Variants in PEMT observed in about 807,000 individuals in gnomAD.
The protein encoded by PEMT is phospholipid methyltransferase.
In PEMT, 23 loss-of-function variants were observed where a neutral mutation model predicts 27.4. That is an observed-to-expected ratio of 0.84 (90% CI 0.60 to 1.19). The LOEUF (loss-of-function observed/expected upper bound fraction) is 1.19. PEMT is among the 50% of genes most tolerant of loss of function. The pLI is 0.00. For missense variants in PEMT, 307 were observed against 310.1 expected, an observed-to-expected ratio of 0.99 and a Z score of 0.07; for synonymous variants, 137 against 139.1, an observed-to-expected ratio of 0.98 and a Z score of 0.11.
intron 2 of PEMT, among the ~76,000 whole-genome samples, chr17:17,527,191 C>T (rs1479358496): frequency 1.3e-5 from 2 of 152,202 alleles, no homozygotes; most frequent in African/African-American, 4.8e-5. Flanking sequence ...GCATGCGCCA[C>T]CATGCCCGGC....
intron 2 of PEMT, chr17:17,570,924 T>A: frequency 1.0e-6 from 1 of 984,706 alleles, no homozygotes; most frequent in Non-Finnish European, 1.2e-6. Flanking sequence ...GCATCTGGAG[T>A]GATAGGGAAA....
At chr17:17,538,236 C>T (rs1309968483) in intron 2 of PEMT, among the ~76,000 whole-genome samples, 2 of 152,222 alleles carry the variant, frequency 1.3e-5, no homozygotes, top group East Asian at 3.8e-4. Context: ...ACACGCTGAG[C>T]GGCTTCTCCA....
At chr17:17,553,184 G>A (rs1283775047) in intron 2 of PEMT, among the ~76,000 whole-genome samples, 2 of 152,154 alleles carry the variant, frequency 1.3e-5, no homozygotes, top group Non-Finnish European at 2.9e-5. Context: ...CCTCTATTCA[G>A]GCCCCAAAGT....
chr17:17,576,794 CG>C (rs2142743221), intron 2 of PEMT, 125 bp downstream of exon 2: 1 of 745,624 alleles, frequency 1.3e-6, no homozygotes, highest in East Asian at 2.6e-5. Flanking sequence ...GCGACAGACA[CG>C]GGAGGGAAGA....
At chr17:17,546,852 G>C (rs536170024) in intron 2 of PEMT, among the ~76,000 whole-genome samples, 1 of 152,262 alleles carries the variant, frequency 6.6e-6, no homozygotes, top group Admixed American at 6.5e-5. Context: ...CACAGCTGCA[G>C]TCAAAGCAAA....
chr17:17,569,831 C>G (rs1228704629), intron 2 of PEMT, among the ~76,000 whole-genome samples: 1 of 152,206 alleles, frequency 6.6e-6, no homozygotes, highest in Non-Finnish European at 1.5e-5. Flanking sequence ...CATGCTGGCT[C>G]CCTCGGGACA....
intron 2 of PEMT, among the ~76,000 whole-genome samples, chr17:17,568,653 C>A (rs1910990228): frequency 6.6e-6 from 1 of 152,208 alleles, no homozygotes; most frequent in Non-Finnish European, 1.5e-5. Context: ...TTCCCGGCAC[C>A]TGGAGGGATC....
intron 2 of PEMT, among the ~76,000 whole-genome samples, chr17:17,539,494 G>A (rs1403974838): frequency 6.6e-6 from 1 of 152,204 alleles, no homozygotes; most frequent in Non-Finnish European, 1.5e-5. Flanking sequence ...TCTGCGATGC[G>A]CCCAGGGTGT....
chr17:17,507,535 C>CTGCCTTT, intron 5 of PEMT: 1 of 321,860 alleles, frequency 3.1e-6, no homozygotes, highest in Non-Finnish European at 5.8e-6. Flanking sequence ...CAGGCTCCAA[C>CTGCCTTT]CCCAGGCCTG....
At chr17:17,591,415 T>C in intron 1 of PEMT, 116 bp downstream of exon 1, 7 of 499,422 alleles carry the variant, frequency 1.4e-5, no homozygotes, top group Non-Finnish European at 2.4e-5. Context: ...CACGCCCCCA[T>C]TGCCTGGGAA....
intron 2 of PEMT, among the ~76,000 whole-genome samples, chr17:17,573,956 A>AT (rs1178613445): frequency 6.6e-6 from 1 of 151,594 alleles, no homozygotes; most frequent in Non-Finnish European, 1.5e-5. Context: ...TAATTTTTGT[A>AT]TTTTTTGTAG....
chr17:17,566,093 C>T (rs1910808214), intron 2 of PEMT, among the ~76,000 whole-genome samples: 2 of 152,240 alleles, frequency 1.3e-5, no homozygotes, highest in African/African-American at 4.8e-5. Context: ...AGTGAAATGA[C>T]ACAAAAACTC....
intron 2 of PEMT, among the ~76,000 whole-genome samples, chr17:17,574,914 G>C (rs1911476601): frequency 6.6e-6 from 1 of 152,228 alleles, no homozygotes; most frequent in South Asian, 2.1e-4. Flanking sequence ...GAGAAGGACT[G>C]TGGACAGCCA....
intron 2 of PEMT, among the ~76,000 whole-genome samples, chr17:17,530,217 C>T (rs1341519255): frequency 3.9e-5 from 6 of 152,208 alleles, no homozygotes; most frequent in African/African-American, 1.4e-4. Flanking sequence ...AAGAACAGGG[C>T]AGGCACAGTG....
At chr17:17,552,657 C>T (rs1909744051) in intron 2 of PEMT, among the ~76,000 whole-genome samples, 1 of 152,254 alleles carries the variant, frequency 6.6e-6, no homozygotes, top group South Asian at 2.1e-4. Context: ...AGATGCCCCT[C>T]TCATGGAAAT....
At chr17:17,591,437 G>T in intron 1 of PEMT, 94 bp downstream of exon 1, 1 of 732,062 alleles carries the variant, frequency 1.4e-6, no homozygotes, top group Non-Finnish European at 2.0e-6. Context: ...TGGCGGCCCC[G>T]CCCCGCAGCG....
chr17:17,528,538 G>A (rs1168950877), intron 2 of PEMT, among the ~76,000 whole-genome samples: 2 of 152,228 alleles, frequency 1.3e-5, no homozygotes, highest in Non-Finnish European at 2.9e-5. Context: ...AAGGGAGGGG[G>A]CCACTAGCTG....
At chr17:17,579,347 A>T (rs1567751442) in intron 1 of PEMT, among the ~76,000 whole-genome samples, 1 of 152,222 alleles carries the variant, frequency 6.6e-6, no homozygotes, top group Non-Finnish European at 1.5e-5. Flanking sequence ...GCAAACAATC[A>T]TCTCACTGTA....
rs1912591058 is a variant in PEMT, at chr17:17,591,552, G to C, written c.75C>G (p.Leu25=). 6.2e-7 allele frequency: 1 copy of C among 1,613,486 alleles called. No homozygotes were observed. Among genetic ancestry groups the C allele is most frequent in the Non-Finnish European group, 8.5e-7 (1 of 1,179,592 alleles). ...SVAGPDCCGG[L]GNIDFRQADF... The stretch of plus-strand genomic sequence containing the variant: ...GTACCTGTCTAAAATCAATATTGCC[G>C]AGGCCTCCGCAGCAGTCAGGCCCTG... Residue 25 remains leucine (L), a synonymous_variant, in exon 1 of 7, where the codon CTC becomes CTG. Transcript: ENST00000255389.
Sources: allele counts gnomAD v4.1 joint callset (sites outside exome capture counted in the v4.1 genomes callset), GRCh38; gene constraint gnomAD v4.1.1; transcripts MANE v1.5; gene names NCBI Gene and HGNC (gene_info 2026-07-23, HGNC 2026-07-21).